Variants in CREB5 observed in about 807,000 individuals in gnomAD.
CREB5 encodes the protein cyclic AMP-responsive element-binding protein 5.
A neutral mutation model predicts 57.1 loss-of-function variants in CREB5; 19 were observed. That is an observed-to-expected ratio of 0.33 (90% CI 0.23 to 0.49). The LOEUF is 0.49. CREB5 is among the 20% of genes least tolerant of loss of function. The pLI, the probability that CREB5 is intolerant of heterozygous loss-of-function variation, is 0.99. For missense variants in CREB5, 579 were observed against 671.6 expected, an observed-to-expected ratio of 0.86 and a Z score of 1.52; for synonymous variants, 238 against 238.3, an observed-to-expected ratio of 1.00 and a Z score of 0.01.
Position 28,314,160 on chromosome 7 carries a change from G to A in CREB5, c.-25+14719G>A, listed in dbSNP as rs189667442. Among the ~76,000 whole-genome samples the A allele has an allele frequency of 3.9e-5, 6 of 152,282 alleles. No homozygotes were observed. The East Asian group carries it at 1.2e-3, about 29-fold the overall frequency. ...GCCTTTGAAGTGCAGCGATCCTGAT[G>A]TTTCTTGTAGCTATGTGAAGAAAGA... On this transcript the variant is annotated intron_variant, in intron 1 of 9. Transcript: ENST00000396299.
intron 7 of CREB5, among the ~76,000 whole-genome samples, chr7:28,736,460 C>T (rs1448039334): frequency 1.3e-5 from 2 of 152,192 alleles, no homozygotes; most frequent in Admixed American, 6.5e-5. Context: ...TGAGCCACTG[C>T]GCCGGACCCC....
intron 9 of CREB5, among the ~76,000 whole-genome samples, chr7:28,811,557 G>A (rs1184109129): frequency 6.6e-6 from 1 of 151,964 alleles, no homozygotes; most frequent in African/African-American, 2.4e-5. Flanking sequence ...TTTCTCTAGA[G>A]ACAAGGTCTT....
intron 7 of CREB5, among the ~76,000 whole-genome samples, chr7:28,755,812 C>A (rs916760334): frequency 1.3e-5 from 2 of 152,060 alleles, no homozygotes; most frequent in Non-Finnish European, 2.9e-5. Flanking sequence ...ACCAAGGACC[C>A]AATTATTATT....
chr7:28,418,235 T>C lies in CREB5; in HGVS notation c.3+5318T>C, dbSNP rs564152369. Among the ~76,000 whole-genome samples the C allele has an allele frequency of 7.9e-5, 12 of 152,348 alleles. No homozygotes were observed. The South Asian group carries it at 2.1e-3, about 26-fold the overall frequency. ...CCTAGACTTAAGGTATTCATTTTTA[T>C]TTGTCACCTTTTAAAATATTAGAAG... On this transcript the variant is annotated intron_variant, in intron 1 of 10. Coordinates refer to ENST00000357727, the MANE Select transcript of CREB5 (RefSeq NM_182898.4).
intron 4 of CREB5, among the ~76,000 whole-genome samples, chr7:28,527,233 T>C (rs1793487707): frequency 6.6e-6 from 1 of 152,236 alleles, no homozygotes; most frequent in Non-Finnish European, 1.5e-5. Flanking sequence ...GACCAACTCT[T>C]TGCCCAGTAA....
At chr7:28,573,332 C>T (rs1795776913) in intron 5 of CREB5, among the ~76,000 whole-genome samples, 1 of 152,110 alleles carries the variant, frequency 6.6e-6, no homozygotes. Flanking sequence ...TTATCACAAC[C>T]TCAAATATTT....
At chr7:28,414,156 C>T (rs992302830) in intron 1 of CREB5, among the ~76,000 whole-genome samples, 23 of 151,096 alleles carry the variant, frequency 1.5e-4, no homozygotes, top group Non-Finnish European at 2.8e-4. Context: ...TCTTTCTTCT[C>T]CTTCTCCTTC....
At chr7:28,552,724 G>A (rs952377370) in intron 4 of CREB5, among the ~76,000 whole-genome samples, 23 of 152,362 alleles carry the variant, frequency 1.5e-4, no homozygotes, top group African/African-American at 5.5e-4. Flanking sequence ...AAGATGGGAA[G>A]ATGGAGAAAG....
At chr7:28,337,380 A>G (rs189447092) in intron 1 of CREB5, among the ~76,000 whole-genome samples, 1 of 152,182 alleles carries the variant, frequency 6.6e-6, no homozygotes, top group Non-Finnish European at 1.5e-5. Context: ...GTGCTCCAGT[A>G]TTGGATGCAT....
chr7:28,381,023 G>T (rs2058396), intron 1 of CREB5, among the ~76,000 whole-genome samples: 143,106 of 152,142 alleles, frequency 0.94, 67,910 homozygotes, highest in East Asian at 1. Flanking sequence ...CAGGTGGTTT[G>T]TTCACAGATG....
intron 5 of CREB5, among the ~76,000 whole-genome samples, chr7:28,688,868 T>C (rs1801089566): frequency 6.6e-6 from 1 of 152,188 alleles, no homozygotes; most frequent in Admixed American, 6.5e-5. Flanking sequence ...TTTCTTTTTT[T>C]AGAGCATTAC....
intron 5 of CREB5, among the ~76,000 whole-genome samples, chr7:28,582,548 T>C (rs1796160043): frequency 6.6e-6 from 1 of 152,208 alleles, no homozygotes; most frequent in Non-Finnish European, 1.5e-5. Flanking sequence ...ATTTCCGTGG[T>C]GGATTTCTCT....
intron 5 of CREB5, among the ~76,000 whole-genome samples, chr7:28,676,875 TAGAAG>T (rs1452365227): frequency 1.3e-5 from 2 of 152,134 alleles, no homozygotes; most frequent in Non-Finnish European, 2.9e-5. Flanking sequence ...ATAGTAAACA[TAGAAG>T]AGAAATGTCT....
chr7:28,491,162 G>C (rs1791788281), intron 2 of CREB5: 1 of 970,116 alleles, frequency 1.0e-6, no homozygotes, highest in Non-Finnish European at 1.2e-6. Flanking sequence ...ACGGGAAGCG[G>C]AGTGATATAA....
intron 4 of CREB5, among the ~76,000 whole-genome samples, chr7:28,509,334 A>G (rs1792606610): frequency 6.6e-6 from 1 of 152,156 alleles, no homozygotes; most frequent in Non-Finnish European, 1.5e-5. Context: ...ATGATTTCTT[A>G]TATGAAGCCC....
At chr7:28,667,117 G>C (rs41337) in intron 5 of CREB5, among the ~76,000 whole-genome samples, 136,028 of 151,730 alleles carry the variant, frequency 0.9, 61,161 homozygotes, top group Non-Finnish European at 0.93. Context: ...CTGTCTGACC[G>C]TGAACAAGCC....
At chr7:28,632,176 T>C (rs192313785) in intron 5 of CREB5, among the ~76,000 whole-genome samples, 2 of 152,314 alleles carry the variant, frequency 1.3e-5, no homozygotes, top group Admixed American at 1.3e-4. Context: ...TAACAGCCTT[T>C]ATCCCCCTAC....
Position 28,553,811 on chromosome 7 carries a change from G to T in CREB5, c.292-16554G>T, listed in dbSNP as rs144395496. 5.3e-3 allele frequency among the ~76,000 whole-genome samples: 800 copies of T among 152,302 alleles called. 5 individuals are homozygous for T. Among genetic ancestry groups the T allele is most frequent in the African/African-American group, 0.018 (742 of 41,568 alleles). On this transcript the variant is annotated intron_variant, in intron 4 of 10. Transcript: ENST00000357727. Reference sequence around the variant, plus strand: ...GACTGGGACTCAGCCTTATAACTGGGCTATGCTTTGGGGAAGCTTGAAATG... The same window carrying T: ...GACTGGGACTCAGCCTTATAACTGGTCTATGCTTTGGGGAAGCTTGAAATG...
chr7:28,692,766 C>CA (rs949561878), intron 5 of CREB5, among the ~76,000 whole-genome samples: 25 of 151,816 alleles, frequency 1.6e-4, no homozygotes, highest in Admixed American at 1.1e-3. Flanking sequence ...AACTCCATCT[C>CA]AAAAAAAACA....
Sources: allele counts gnomAD v4.1 joint callset (sites outside exome capture counted in the v4.1 genomes callset), GRCh38; gene constraint gnomAD v4.1.1; transcripts MANE v1.5; gene names NCBI Gene and HGNC (gene_info 2026-07-23, HGNC 2026-07-21).